CMSS1: variants seen among roughly 807,000 people sequenced by gnomAD.
CMSS1 encodes cms1 ribosomal small subunit homolog.
CMSS1 carries 33 observed loss-of-function variants against 43.5 expected under a neutral mutation model. That is an observed-to-expected ratio of 0.76 (90% CI 0.57 to 1.01). The LOEUF is 1.01. Ranked by LOEUF, CMSS1 falls within the 50% of genes least tolerant of loss-of-function variation. The pLI is 0.00. For missense variants in CMSS1, 313 were observed against 326.4 expected, an observed-to-expected ratio of 0.96 and a Z score of 0.32; for synonymous variants, 115 against 117.2, an observed-to-expected ratio of 0.98 and a Z score of 0.12.
chr3:100,052,528 G>A (rs1376229296), intron 1 of CMSS1, among the ~76,000 whole-genome samples: 2 of 152,136 alleles, frequency 1.3e-5, no homozygotes, highest in Admixed American at 6.5e-5. Flanking sequence ...GAACCTCTAA[G>A]TGAAACTGAT....
At chr3:99,892,098 C>T (rs1706100803) in intron 1 of CMSS1, among the ~76,000 whole-genome samples, 2 of 152,172 alleles carry the variant, frequency 1.3e-5, no homozygotes, top group South Asian at 4.1e-4. Flanking sequence ...TTTTACCAAA[C>T]CTCTGTGAGA....
At chr3:99,887,728 T>G (rs538988762) in intron 1 of CMSS1, among the ~76,000 whole-genome samples, 49 of 152,292 alleles carry the variant, frequency 3.2e-4, no homozygotes, top group African/African-American at 1.2e-3. Flanking sequence ...ACATATAATA[T>G]AGATATGGAT....
chr3:99,956,215 A>G (rs925168362), intron 1 of CMSS1, among the ~76,000 whole-genome samples: 1 of 151,690 alleles, frequency 6.6e-6, no homozygotes, highest in Non-Finnish European at 1.5e-5. Flanking sequence ...CTTCACAAAC[A>G]CCTTCACCTT....
intron 1 of CMSS1, among the ~76,000 whole-genome samples, chr3:100,135,478 G>C (rs2107502596): frequency 6.7e-6 from 1 of 150,306 alleles, no homozygotes; most frequent in East Asian, 2.0e-4. Context: ...GTGTGTGTGT[G>C]TGTGTGTGTG....
rs777621282 is a variant in CMSS1 at position 100,167,836 on chromosome 3, A to G, written c.514A>G (p.Ile172Val). ...CSSAVRALEL[I>V]RSMTAFRGDG... Reference sequence around the variant, plus strand: ...CTCGGCCGTCCGAGCCCTGGAGCTCATTAGGTTGGAAGGTTCACCTATTCC... The same window carrying G: ...CTCGGCCGTCCGAGCCCTGGAGCTCGTTAGGTTGGAAGGTTCACCTATTCC... Residue 172 changes from isoleucine to valine, a missense_variant, in exon 6 of 10, where the codon ATT becomes GTT. Coordinates refer to ENST00000421999, the MANE Select transcript of CMSS1 (RefSeq NM_032359.4). 4.4e-6 allele frequency: 7 copies of G among 1,606,706 alleles called. No individual in the cohort carries two copies. The highest frequency in any genetic ancestry group is 4.3e-6 in the Non-Finnish European group (5 of 1,175,416).
In CMSS1 at chr3:100,169,816, A is replaced by G. The variant is rs138006266; in HGVS notation, c.518+1976A>G. Among the ~76,000 whole-genome samples the G allele has an allele frequency of 6.7e-3, 1,026 of 152,346 alleles. 7 individuals carry two copies. The highest frequency in any genetic ancestry group is 0.02 in the Middle Eastern group (6 of 294). On this transcript the variant is annotated intron_variant, in intron 6 of 9. Transcript: ENST00000421999. The stretch of plus-strand genomic sequence containing the variant: ...TGCTTTAAAAACTACCTCATTTCAC[A>G]TTCAGATGCTAAGGGCAAAGAGTGT...
chr3:99,986,924 G>T (rs1709358247), intron 1 of CMSS1, among the ~76,000 whole-genome samples: 1 of 152,174 alleles, frequency 6.6e-6, no homozygotes, highest in Non-Finnish European at 1.5e-5. Context: ...AACATATTAG[G>T]AGAGTATACA....
intron 8 of CMSS1, among the ~76,000 whole-genome samples, chr3:100,173,537 G>A (rs765808984): frequency 6.6e-6 from 1 of 152,184 alleles, no homozygotes; most frequent in Admixed American, 6.5e-5. Context: ...GAGATCGATA[G>A]CATGAGGCAG....
intron 1 of CMSS1, among the ~76,000 whole-genome samples, chr3:99,871,783 TCCAGGG>T (rs1944800361): frequency 6.6e-6 from 1 of 152,196 alleles, no homozygotes; most frequent in African/African-American, 2.4e-5. Flanking sequence ...ACACAGTCTT[TCCAGGG>T]CACCTCTCAC....
intron 1 of CMSS1, chr3:100,041,307 G>C (rs1274067791): frequency 1.3e-5 from 2 of 152,200 alleles, no homozygotes; most frequent in South Asian, 2.1e-4. Flanking sequence ...GCAAAATTAT[G>C]ATGGAAACTC....
At chr3:99,942,457 A>G (rs1019729075) in intron 1 of CMSS1, among the ~76,000 whole-genome samples, 5 of 152,202 alleles carry the variant, frequency 3.3e-5, no homozygotes, top group African/African-American at 1.2e-4. Flanking sequence ...TTCTTTCTAC[A>G]TTTTGTATAT....
intron 1 of CMSS1, among the ~76,000 whole-genome samples, chr3:100,088,963 G>A (rs1447713218): frequency 6.6e-6 from 1 of 152,012 alleles, no homozygotes; most frequent in Non-Finnish European, 1.5e-5. Context: ...GTCACTGTTT[G>A]CATGTACTTG....
intron 1 of CMSS1, among the ~76,000 whole-genome samples, chr3:100,080,525 G>A (rs184064786): frequency 2.5e-4 from 38 of 152,314 alleles, no homozygotes; most frequent in Admixed American, 2.0e-4. Flanking sequence ...GGGCAATGCA[G>A]ATATAGGTGA....
intron 1 of CMSS1, among the ~76,000 whole-genome samples, chr3:99,825,339 T>C (rs113391134): frequency 1.5e-3 from 233 of 152,196 alleles, no homozygotes; most frequent in African/African-American, 5.2e-3. Context: ...GCAAATAGTA[T>C]TGACAGATAT....
At chr3:99,971,553 T>C (rs1474705763) in intron 1 of CMSS1, among the ~76,000 whole-genome samples, 1 of 152,224 alleles carries the variant, frequency 6.6e-6, no homozygotes, top group Non-Finnish European at 1.5e-5. Flanking sequence ...TTAACCTCTC[T>C]AAGCCTCACT....
At chr3:100,097,970 C>T (rs114223724) in intron 1 of CMSS1, among the ~76,000 whole-genome samples, 2 of 152,234 alleles carry the variant, frequency 1.3e-5, no homozygotes, top group East Asian at 1.9e-4. Flanking sequence ...GCATATCTGA[C>T]AAGGTAATAG....
chr3:99,861,298 C>A lies in CMSS1; in HGVS notation c.64+43255C>A, dbSNP rs113385501. ...CTTAATCCTCCAAAGCCTACCTGGG[C>A]CTTCCACAGCCATGATGCCTTCCCC... On this transcript the variant is annotated intron_variant, in intron 1 of 9. Transcript: ENST00000421999. 2.4e-3 allele frequency among the ~76,000 whole-genome samples: 359 copies of A among 152,332 alleles called. 3 individuals carry two copies. The highest frequency in any genetic ancestry group is 7.3e-3 in the Admixed American group (111 of 15,306).
chr3:100,128,537 T>C (rs972512957), intron 1 of CMSS1, among the ~76,000 whole-genome samples: 2 of 152,192 alleles, frequency 1.3e-5, no homozygotes, highest in Admixed American at 6.5e-5. Context: ...AGTTATAATT[T>C]ACATTTATTG....
At chr3:100,148,104 G>A (rs2066869643) in intron 2 of CMSS1, among the ~76,000 whole-genome samples, 1 of 151,996 alleles carries the variant, frequency 6.6e-6, no homozygotes, top group African/African-American at 2.4e-5. Context: ...TTTGAGATAG[G>A]GTCTTGCTCT....
Sources: gnomAD v4.1 joint callset for allele counts (sites outside exome capture counted in the v4.1 genomes callset) on GRCh38, gnomAD v4.1.1 for gene constraint, MANE v1.5 for transcripts, NCBI Gene and HGNC (gene_info 2026-07-23, HGNC 2026-07-21) for gene names.